Variants in IFI44L observed in about 807,000 individuals in gnomAD.
IFI44L encodes the protein interferon induced protein 44 like.
A neutral mutation model predicts 39.3 loss-of-function variants in IFI44L; 40 were observed. The observed-to-expected ratio is 1.02, with a 90% CI of 0.79 to 1.33. The LOEUF (loss-of-function observed/expected upper bound fraction) is 1.33, where lower values mean the gene tolerates loss of function less well. Among genes scored for constraint, IFI44L ranks in the 40% most tolerant of loss-of-function variants. IFI44L has a pLI of 0.00. For synonymous variants in IFI44L, 198 were observed against 182.3 expected (o/e 1.09, Z -0.69); for missense variants, 623 against 549.0 (o/e 1.13, Z -1.35).
intron 4 of IFI44L, 130 bp downstream of exon 4, chr1:78,630,045 AT>A (rs753125431): frequency 2.2e-6 from 2 of 894,876 alleles, no homozygotes; most frequent in Non-Finnish European, 3.6e-6. Context: ...TAGGAGTAAA[AT>A]TTTGATCAGA....
chr1:78,628,259 G>A lies in IFI44L; in HGVS notation c.344G>A (p.Arg115His), dbSNP rs974783332. The change falls in exon 2 of 9, where the codon CGT becomes CAT. Residue 115 changes from arginine (R) to histidine (H), a missense_variant. Arg to His is a conservative substitution (Grantham distance 29). Transcript: ENST00000370751. ...PKIIDEQLVC[R>H]LSKTDIFIIC... ...ATTATTGATGAGCAACTGGTGTGTC[G>A]TTTATCGAAAACGGATATTTTCATT... The A allele has an allele frequency of 1.8e-5, 29 of 1,610,866 alleles. No homozygotes were observed. The Middle Eastern group carries it at 4.9e-4, about 27-fold the overall frequency.
chr1:78,629,640 C>T (rs1652663684), intron 3 of IFI44L, 80 bp from the exon 4 acceptor site: 4 of 952,322 alleles, frequency 4.2e-6, no homozygotes, highest in South Asian at 2.1e-5. Flanking sequence ...GAGAAAGAAG[C>T]TCTAGGTGAC....
At chr1:78,631,357 G>A (rs951835166) in intron 4 of IFI44L, 4 of 152,108 alleles carry the variant, frequency 2.6e-5, no homozygotes, top group African/African-American at 9.7e-5. Flanking sequence ...GCACTGGTAA[G>A]TCCTATTCTC....
chr1:78,641,209 G>A, intron 7 of IFI44L, 88 bp downstream of exon 7: 1 of 999,882 alleles, frequency 1.0e-6, no homozygotes, highest in East Asian at 2.4e-5. Flanking sequence ...ACGTGTATAT[G>A]TGCTTACAGA....
chr1:78,630,072 C>G lies in IFI44L; in HGVS notation c.723+157C>G, dbSNP rs945894616. On this transcript the variant is annotated intron_variant, in intron 4 of 8. Coordinates refer to ENST00000370751, the MANE Select transcript of IFI44L (RefSeq NM_006820.4). The stretch of plus-strand genomic sequence containing the variant: ...TTTGATCAGAACCACCTCCATTGTG[C>G]TATATTATACAGAGAAGCTTTCAAA... 5 of 683,970 alleles carry G rather than the reference C, an allele frequency of 7.3e-6. No individual in the cohort carries two copies. The East Asian group carries it at 1.4e-4, about 19-fold the overall frequency. The allele number at this position is 683,970 out of a possible 1,614,324, so 42.4% of individuals were successfully genotyped here. A position where few individuals can be genotyped will look rare whatever the true frequency, so the allele number is the denominator to read the frequency against.
At chr1:78,640,669 A>G (rs1464452577) in intron 6 of IFI44L, among the ~76,000 whole-genome samples, 2 of 152,102 alleles carry the variant, frequency 1.3e-5, no homozygotes, top group Admixed American at 6.6e-5. Flanking sequence ...ATGCTCATAC[A>G]CAACCCTCCT....
At chr1:78,638,732 T>C (rs1653042817) in intron 6 of IFI44L, among the ~76,000 whole-genome samples, 1 of 152,134 alleles carries the variant, frequency 6.6e-6, no homozygotes, top group African/African-American at 2.4e-5. Flanking sequence ...AGAATGTTCC[T>C]ACTTGGTTCT....
chr1:78,624,554 T>C (rs1376308953), intron 1 of IFI44L, among the ~76,000 whole-genome samples: 1 of 152,184 alleles, frequency 6.6e-6, no homozygotes, highest in Non-Finnish European at 1.5e-5. Context: ...TATTTTGTTG[T>C]TGCTGGGTGG....
At chr1:78,628,468 A>T in intron 2 of IFI44L, 75 bp downstream of exon 2, 1 of 865,052 alleles carries the variant, frequency 1.2e-6, no homozygotes. Flanking sequence ...TAATTGATCT[A>T]CAAGAGCAAG....
At chr1:78,632,540 A>T (rs1336459466) in intron 4 of IFI44L, among the ~76,000 whole-genome samples, 1 of 152,214 alleles carries the variant, frequency 6.6e-6, no homozygotes, top group Admixed American at 6.5e-5. Context: ...AAGACAAACC[A>T]ATGGATTTAA....
chr1:78,640,327 A>G (rs1466679856), intron 6 of IFI44L, among the ~76,000 whole-genome samples: 1 of 152,138 alleles, frequency 6.6e-6, no homozygotes, highest in East Asian at 1.9e-4. Context: ...CTCTACCAGA[A>G]CCTAGGTATT....
rs1056032679 is a variant in IFI44L at position 78,643,112 on chromosome 1, A to G, written c.*1303A>G. 4 of 152,022 alleles carry G rather than the reference A, an allele frequency of 2.6e-5. No homozygotes were observed. Among genetic ancestry groups the G allele is most frequent in the Admixed American group, 6.6e-5 (1 of 15,246 alleles). 9.4% of individuals were successfully genotyped at this position (152,022 alleles called of 1,614,324 possible). ...GTCTAATTTAGTTTTAATCAGAATT[A>G]TACTCATCTTTTGGGTAGTCATAGA... is the stretch of plus-strand genomic sequence containing the variant. On this transcript the variant is annotated 3_prime_UTR_variant, in exon 9 of 9. Coordinates refer to ENST00000370751, the MANE Select transcript of IFI44L (RefSeq NM_006820.4).
intron 4 of IFI44L, among the ~76,000 whole-genome samples, chr1:78,633,898 G>T (rs1652844511): frequency 6.6e-6 from 1 of 151,960 alleles, no homozygotes; most frequent in Non-Finnish European, 1.5e-5. Context: ...TTATAAAAAA[G>T]AAACAAATTT....
At position 78,643,126 on chromosome 1, in the gene IFI44L, G is replaced by T. The variant is rs1436150936; in HGVS notation, c.*1317G>T. ...TAATCAGAATTATACTCATCTTTTG[G>T]GTAGTCATAGATATTAAGAAAGCAA... On this transcript the variant is annotated 3_prime_UTR_variant, in exon 9 of 9. Transcript: ENST00000370751. 6.6e-6 allele frequency: 1 copy of T among 151,860 alleles called. No homozygotes were observed. The highest frequency in any genetic ancestry group is 1.5e-5 in the Non-Finnish European group (1 of 67,962). 9.4% of individuals were successfully genotyped at this position (151,860 alleles called of 1,614,324 possible).
intron 6 of IFI44L, 139 bp downstream of exon 6, chr1:78,637,342 A>T: frequency 1.6e-6 from 1 of 618,666 alleles, no homozygotes. Flanking sequence ...GGGAGAGATC[A>T]TTCACAGGCA....
In IFI44L at chr1:78,643,261, A is replaced by G. The variant is rs536577654; in HGVS notation, c.*1452A>G. Reference sequence around the variant, plus strand: ...ATTCAGTGGAAGAAATTAAGTCTTTAAAAAAGACCTAGGAATAGGAGAACC... The same window carrying G: ...ATTCAGTGGAAGAAATTAAGTCTTTGAAAAAGACCTAGGAATAGGAGAACC... On this transcript the variant is annotated 3_prime_UTR_variant, in exon 9 of 9. Coordinates refer to ENST00000370751, the MANE Select transcript of IFI44L (RefSeq NM_006820.4). The G allele has an allele frequency of 6.6e-6, 1 of 152,162 alleles. No individual in the cohort carries two copies. 9.4% of individuals were successfully genotyped at this position (152,162 alleles called of 1,614,324 possible).
In IFI44L at chr1:78,641,609, G is replaced by A. The variant is rs781111311; in HGVS notation, c.1324G>A (p.Gly442Ser). 2.5e-6 allele frequency: 4 copies of A among 1,613,180 alleles called. No individual in the cohort carries two copies. Among genetic ancestry groups the A allele is most frequent in the South Asian group, 2.2e-5 (2 of 91,064 alleles). The change falls in exon 8 of 9, where the codon GGT becomes AGT. Residue 442 changes from glycine to serine, a missense_variant and splice_region_variant. By Grantham distance (56) the Gly-to-Ser change is moderately conservative. Transcript: ENST00000370751. Reference sequence around the variant, plus strand: ...AGAAGATTTGCCTCTTGAGGAAACTGGTAATCTGGCCCTTTTCTCCCCCTG... The same window carrying A: ...AGAAGATTTGCCTCTTGAGGAAACTAGTAATCTGGCCCTTTTCTCCCCCTG... ...FLEDLPLEET[G>S]AIERALQPCI
chr1:78,636,851 T>C, intron 5 of IFI44L, 181 bp from the exon 6 acceptor site: 1 of 516,950 alleles, frequency 1.9e-6, no homozygotes, highest in Non-Finnish European at 3.4e-6. Context: ...ATAAGAGAGA[T>C]ATAATGGCAT....
At chr1:78,627,727 T>A in intron 1 of IFI44L, 179 bp from the exon 2 acceptor site, 1 of 374,048 alleles carries the variant, frequency 2.7e-6, no homozygotes. Flanking sequence ...AAATTATATA[T>A]TTTTATATCT....
Sources: gnomAD v4.1 joint callset for allele counts (sites outside exome capture counted in the v4.1 genomes callset) on GRCh38, gnomAD v4.1.1 for gene constraint, MANE v1.5 for transcripts, NCBI Gene and HGNC (gene_info 2026-07-23, HGNC 2026-07-21) for gene names.